ARHGAP29: variants seen among roughly 807,000 people sequenced by gnomAD.
The protein encoded by ARHGAP29 is rho GTPase-activating protein 29.
ARHGAP29 carries 43 observed loss-of-function variants against 122.6 expected under a neutral mutation model. That is an observed-to-expected ratio of 0.35 (90% CI 0.27 to 0.45). The LOEUF is 0.45. ARHGAP29 is among the 20% of genes least tolerant of loss of function. The pLI, the probability that ARHGAP29 is intolerant of heterozygous loss-of-function variation, is 1.00. For synonymous variants in ARHGAP29, 506 were observed against 497.1 expected (o/e 1.02, Z -0.24); for missense variants, 1,303 against 1,477.2 (o/e 0.88, Z 1.93).
At position 94,213,107 on chromosome 1, in the gene ARHGAP29, C is replaced by T. The variant is rs1651745485; in HGVS notation, c.341-3757G>A. On this transcript the variant is annotated intron_variant, in intron 3 of 22. Coordinates refer to ENST00000260526, the MANE Select transcript of ARHGAP29 (RefSeq NM_004815.4). Reference sequence around the variant, plus strand: ...TCATGCCATGGCCTATATTGCCTTCCTTCCCAAGTTAACCTTAAATTCAAG... The same window carrying T: ...TCATGCCATGGCCTATATTGCCTTCTTTCCCAAGTTAACCTTAAATTCAAG... 2.0e-5 allele frequency among the ~76,000 whole-genome samples: 3 copies of T among 152,196 alleles called. No individual in the cohort carries two copies. In the South Asian group the frequency reaches 6.2e-4, roughly 31 times the overall value.
chr1:94,185,400 G>A lies in ARHGAP29; in HGVS notation c.1862C>T (p.Pro621Leu). 6.2e-7 allele frequency: 1 copy of A among 1,612,074 alleles called. No homozygotes were observed. Among genetic ancestry groups the A allele is most frequent in the Non-Finnish European group, 8.5e-7 (1 of 1,179,024 alleles). Residue 621 changes from proline to leucine, a missense_variant, in exon 17 of 23, where the codon CCC becomes CTC. Pro to Leu is a moderately conservative substitution (Grantham distance 98). Coordinates refer to ENST00000260526, the MANE Select transcript of ARHGAP29 (RefSeq NM_004815.4). ...GCCTTCACAATCCCTACATTTCGTG[G>A]GGGATCTCAATTTGCGAAACTTGTG... ...LTHKFRKLRS[P>L]TKCRDCEGIV...
At chr1:94,204,125 C>A in intron 7 of ARHGAP29, 131 bp from the exon 8 acceptor site, 1 of 523,260 alleles carries the variant, frequency 1.9e-6, no homozygotes, top group Non-Finnish European at 3.2e-6. Context: ...AGATATAATA[C>A]AGCAATACTT....
chr1:94,250,851 T>C (rs561863812), intron 1 of ARHGAP29, among the ~76,000 whole-genome samples: 1 of 152,338 alleles, frequency 6.6e-6, no homozygotes, highest in Non-Finnish European at 1.5e-5. Context: ...TTATAAGATT[T>C]TGATGATATA....
chr1:94,192,042 A>C (rs1650161007), intron 12 of ARHGAP29: 1 of 152,236 alleles, frequency 6.6e-6, no homozygotes, highest in Admixed American at 6.5e-5. Context: ...AGGTAATTTC[A>C]AATCCTGGAT....
At chr1:94,275,082 CTATGAGCTACT>C (rs1274395971), upstream of ARHGAP29, 1 of 152,168 alleles carries the variant, frequency 6.6e-6, no homozygotes, top group Non-Finnish European at 1.5e-5. Flanking sequence ...ATCTGGCTGT[CTATGAGCTACT>C]TACTTGAATA....
intron 12 of ARHGAP29, among the ~76,000 whole-genome samples, chr1:94,198,196 C>T (rs1650592194): frequency 6.6e-6 from 1 of 152,164 alleles, no homozygotes; most frequent in Non-Finnish European, 1.5e-5. Flanking sequence ...ATTAAAACAG[C>T]CAGCCACGGT....
At chr1:94,209,138 T>C (rs1651412643) in intron 4 of ARHGAP29, 116 bp downstream of exon 4, 3 of 878,622 alleles carry the variant, frequency 3.4e-6, no homozygotes, top group Non-Finnish European at 5.3e-6. Context: ...TTTTCCGAAG[T>C]TGTGATATTT....
intron 1 of ARHGAP29, among the ~76,000 whole-genome samples, chr1:94,249,050 G>A (rs1418977418): frequency 6.6e-6 from 1 of 152,200 alleles, no homozygotes; most frequent in Non-Finnish European, 1.5e-5. Flanking sequence ...AACTGAGAAA[G>A]GGTGAATGTC....
At chr1:94,299,572 A>G in the ARHGAP29 span, among the ~76,000 whole-genome samples, 1 of 151,958 alleles carries the variant, frequency 6.6e-6, no homozygotes, top group East Asian at 1.9e-4. Flanking sequence ...TTCTGCCACA[A>G]TTTTTTCGGT....
At chr1:94,249,406 A>T (rs1278091342) in intron 1 of ARHGAP29, 2 of 152,208 alleles carry the variant, frequency 1.3e-5, no homozygotes, top group Non-Finnish European at 2.9e-5. Flanking sequence ...CATTCCTTCC[A>T]TGATAGAGAA....
At chr1:94,306,994 A>C in the ARHGAP29 span, among the ~76,000 whole-genome samples, 1 of 152,204 alleles carries the variant, frequency 6.6e-6, no homozygotes, top group Non-Finnish European at 1.5e-5. Flanking sequence ...CAAAACAAAA[A>C]AGTTACACCT....
At chr1:94,243,187 T>G (rs1653665609) in intron 1 of ARHGAP29, among the ~76,000 whole-genome samples, 1 of 151,882 alleles carries the variant, frequency 6.6e-6, no homozygotes, top group African/African-American at 2.4e-5. Context: ...TGAATAGCAC[T>G]ATCAATCAAC....
At chr1:94,246,524 C>T (rs539334711) in intron 1 of ARHGAP29, among the ~76,000 whole-genome samples, 181 of 149,212 alleles carry the variant, frequency 1.2e-3, no homozygotes, top group African/African-American at 4.3e-3. Context: ...ACCCCTCCAT[C>T]CCCCGCCCAA....
At position 94,231,724 on chromosome 1, in the gene ARHGAP29, A is replaced by C. The variant is rs918909583; in HGVS notation, c.-32-81T>G. 3 of 1,067,136 alleles carry C rather than the reference A, an allele frequency of 2.8e-6. No homozygotes were observed. The African/African-American group carries it at 4.8e-5, about 17-fold the overall frequency. The allele number at this position is 1,067,136 out of a possible 1,614,324, so 66.1% of individuals were successfully genotyped here. ...AAACTAAATCAGCCAGGGAAATATT[A>C]CACTAGATTTTCACAAACAGCCCAC... On this transcript the variant is annotated intron_variant, in intron 1 of 22. Coordinates refer to ENST00000260526, the MANE Select transcript of ARHGAP29 (RefSeq NM_004815.4).
intron 19 of ARHGAP29, among the ~76,000 whole-genome samples, chr1:94,183,022 T>A (rs925115606): frequency 6.6e-6 from 1 of 152,126 alleles, no homozygotes; most frequent in African/African-American, 2.4e-5. Context: ...TAGTTAACAA[T>A]AATATATTAC....
intron 1 of ARHGAP29, among the ~76,000 whole-genome samples, chr1:94,272,906 G>T (rs911275962): frequency 6.6e-6 from 1 of 152,164 alleles, no homozygotes; most frequent in Admixed American, 6.5e-5. Flanking sequence ...TTATTTCTTG[G>T]AGTCGAAGAT....
intron 12 of ARHGAP29, among the ~76,000 whole-genome samples, chr1:94,198,024 A>G (rs1240130193): frequency 4.6e-5 from 7 of 152,304 alleles, no homozygotes; most frequent in African/African-American, 1.7e-4. Flanking sequence ...AGGAATACAG[A>G]TTGGAAAGGA....
chr1:94,256,157 A>T (rs1279013805), intron 1 of ARHGAP29, among the ~76,000 whole-genome samples: 1 of 152,144 alleles, frequency 6.6e-6, no homozygotes, highest in Admixed American at 6.5e-5. Context: ...AAGCAAGGTC[A>T]CCTGTCTCCT....
At chr1:94,314,074 T>C in the ARHGAP29 span, among the ~76,000 whole-genome samples, 1 of 152,196 alleles carries the variant, frequency 6.6e-6, no homozygotes, top group South Asian at 2.1e-4. Flanking sequence ...TGTATACATA[T>C]GTAATAAACC....
Sources: gnomAD v4.1 joint callset for allele counts (sites outside exome capture counted in the v4.1 genomes callset) on GRCh38, gnomAD v4.1.1 for gene constraint, MANE v1.5 for transcripts, NCBI Gene and HGNC (gene_info 2026-07-23, HGNC 2026-07-21) for gene names.